Variants in UPK1A observed in about 807,000 individuals in gnomAD.
UPK1A encodes uroplakin-1a.
A neutral mutation model predicts 32.3 loss-of-function variants in UPK1A; 31 were observed. That is an observed-to-expected ratio of 0.96 (90% CI 0.72 to 1.30). UPK1A has a LOEUF of 1.30. Ranked by LOEUF, UPK1A falls within the 50% of genes most tolerant of loss-of-function variation. UPK1A has a pLI of 0.00. For synonymous variants in UPK1A, 135 were observed against 137.1 expected, an observed-to-expected ratio of 0.98 and a Z score of 0.11; for missense variants, 340 against 357.4, an observed-to-expected ratio of 0.95 and a Z score of 0.39.
intron 2 of UPK1A, 98 bp from the exon 3 acceptor site, chr19:35,668,356 G>A (rs1192640856): frequency 1.7e-5 from 25 of 1,441,334 alleles, no homozygotes; most frequent in Admixed American, 3.6e-5. Context: ...TGAGAGGGCA[G>A]TGGAGGCTCC....
At chr19:35,669,274 G>A (rs897367010) in intron 3 of UPK1A, among the ~76,000 whole-genome samples, 5 of 152,028 alleles carry the variant, frequency 3.3e-5, no homozygotes, top group African/African-American at 9.7e-5. Flanking sequence ...TGAGCAGATC[G>A]GCTCTTGAGG....
intron 3 of UPK1A, among the ~76,000 whole-genome samples, chr19:35,670,129 A>C (rs1160378699): frequency 6.6e-6 from 1 of 152,128 alleles, no homozygotes; most frequent in African/African-American, 2.4e-5. Context: ...GTGTAACTGG[A>C]GGAAGAGCCT....
At position 35,666,907 on chromosome 19, in the gene UPK1A, C is replaced by T; in HGVS notation, c.84+11C>T. ...AATATCATTATTCTGGTGAGACTCG[C>T]CCCAGTGCTGGGAGCCGAGTGGTTG... is the stretch of plus-strand genomic sequence containing the variant. On this transcript the variant is annotated intron_variant, in intron 2 of 7. Transcript: ENST00000617999. 1 of 1,613,816 alleles carries T rather than the reference C, an allele frequency of 6.2e-7. No homozygotes were observed. The highest frequency in any genetic ancestry group is 8.5e-7 in the Non-Finnish European group (1 of 1,179,824).
chr19:35,677,065 G>A (rs1968191714), intron 6 of UPK1A, among the ~76,000 whole-genome samples: 1 of 150,536 alleles, frequency 6.6e-6, no homozygotes, highest in Non-Finnish European at 1.5e-5. Flanking sequence ...CTACAAAAAA[G>A]TACAGAAAAT....
At chr19:35,676,983 AG>A (rs1194450003) in intron 6 of UPK1A, among the ~76,000 whole-genome samples, 2 of 152,250 alleles carry the variant, frequency 1.3e-5, no homozygotes, top group East Asian at 3.9e-4. Flanking sequence ...GTACTTTGGG[AG>A]GCCAAGGCAG....
chr19:35,677,227 C>G (rs1195234173), intron 6 of UPK1A, among the ~76,000 whole-genome samples: 1 of 145,658 alleles, frequency 6.9e-6, no homozygotes, highest in Non-Finnish European at 1.5e-5. Flanking sequence ...AGGCAAGAGA[C>G]TTTAAAAAAA....
At chr19:35,678,087 G>A (rs1968211736) in exon 8 of UPK1A, 2 of 1,487,410 alleles carry the variant, frequency 1.3e-6, no homozygotes, top group South Asian at 1.4e-5. Flanking sequence ...TTCCTCCGCT[G>A]GGCCTGGATG....
At chr19:35,673,133 A>C (rs1342281494) in intron 3 of UPK1A, 99 bp from the exon 4 acceptor site, 1 of 1,298,232 alleles carries the variant, frequency 7.7e-7, no homozygotes, top group East Asian at 2.3e-5. Flanking sequence ...ACACTGCCCC[A>C]AACTTTTTTA....
At chr19:35,666,618 G>A (rs1247510391) in intron 1 of UPK1A, 80 bp downstream of exon 1, 2 of 589,424 alleles carry the variant, frequency 3.4e-6, no homozygotes, top group Non-Finnish European at 6.0e-6. Context: ...GTTCAGGCCA[G>A]TGACTGCCCC....
At chr19:35,673,281 T>C (rs766954647) in exon 4 of UPK1A, 8 of 1,613,922 alleles carry the variant, frequency 5.0e-6, no homozygotes, top group Non-Finnish European at 5.9e-6. Context: ...GCCTCCTGCA[T>C]CACGTCCTAC....
At chr19:35,675,533 G>C (rs1968167693) in intron 5 of UPK1A, among the ~76,000 whole-genome samples, 1 of 151,930 alleles carries the variant, frequency 6.6e-6, no homozygotes, top group African/African-American at 2.4e-5. Context: ...CATCCACCTC[G>C]GCCTCCCAGA....
intron 3 of UPK1A, 65 bp from the exon 4 acceptor site, chr19:35,673,167 C>T: frequency 1.3e-6 from 2 of 1,546,372 alleles, no homozygotes; most frequent in Non-Finnish European, 1.8e-6. Context: ...CCCAGTGATG[C>T]TTCCCTGACG....
chr19:35,666,872 A>G, exon 2 of UPK1A: 3 of 1,613,840 alleles, frequency 1.9e-6, no homozygotes, highest in Non-Finnish European at 2.5e-6. Context: ...TGGGCCTGCT[A>G]GTTGTGGGCA....
chr19:35,668,333 T>G (rs763021605), intron 2 of UPK1A, 121 bp from the exon 3 acceptor site: 13 of 1,208,256 alleles, frequency 1.1e-5, no homozygotes, highest in Admixed American at 1.9e-5. Flanking sequence ...GGCGAGGTCT[T>G]TGCCCACTTT....
At chr19:35,673,137 T>A in intron 3 of UPK1A, 95 bp from the exon 4 acceptor site, 1 of 1,366,066 alleles carries the variant, frequency 7.3e-7, no homozygotes, top group Non-Finnish European at 1.0e-6. Flanking sequence ...TGCCCCAAAC[T>A]TTTTTAAAAC....
intron 2 of UPK1A, chr19:35,668,023 AGC>A: frequency 3.9e-6 from 1 of 254,158 alleles, no homozygotes; most frequent in Non-Finnish European, 7.8e-6. Flanking sequence ...CCTGGGCTCA[AGC>A]AATCCTCCCG....
exon 8 of UPK1A, chr19:35,678,052 G>A (rs747795835): frequency 2.0e-5 from 31 of 1,542,294 alleles, no homozygotes; most frequent in South Asian, 2.6e-5. Context: ...TACACACCCC[G>A]GACTCCTCCG....
At chr19:35,668,894 G>A (rs1287842865) in intron 3 of UPK1A, among the ~76,000 whole-genome samples, 1 of 149,530 alleles carries the variant, frequency 6.7e-6, no homozygotes, top group African/African-American at 2.5e-5. Flanking sequence ...ATGTTGCCCA[G>A]GCTGGTCTCA....
At chr19:35,671,231 C>CA (rs1417701258) in intron 3 of UPK1A, among the ~76,000 whole-genome samples, 1 of 150,948 alleles carries the variant, frequency 6.6e-6, no homozygotes, top group East Asian at 2.0e-4. Context: ...TACTAAAAAA[C>CA]AAAAAATTAA....
Sources: allele counts gnomAD v4.1 joint callset (sites outside exome capture counted in the v4.1 genomes callset), GRCh38; gene constraint gnomAD v4.1.1; transcripts MANE v1.5; gene names NCBI Gene and HGNC (gene_info 2026-07-23, HGNC 2026-07-21).